Variants in ATXN7 observed in about 807,000 individuals in gnomAD.
ATXN7 encodes the protein ataxin 7.
Under a neutral mutation model 70.5 loss-of-function variants are expected in ATXN7, and 12 were observed. The ratio of observed to expected loss-of-function variants is 0.17; its 90% confidence interval spans 0.11 to 0.28. The LOEUF is 0.28. Ranked by LOEUF, ATXN7 falls within the 10% of genes least tolerant of loss-of-function variation. The pLI, the probability that ATXN7 is intolerant of heterozygous loss-of-function variation, is 1.00. For missense variants in ATXN7, 1,256 were observed against 1,131.7 expected (o/e 1.11, Z -1.58); for synonymous variants, 498 against 448.7 (o/e 1.11, Z -1.39).
At chr3:63,865,473 A>G (rs1452579924) in intron 1 of ATXN7, 1 of 152,190 alleles carries the variant, frequency 6.6e-6, no homozygotes, top group Non-Finnish European at 1.5e-5. Flanking sequence ...TGGTTTTAGG[A>G]GACAGGGCAC....
intron 1 of ATXN7, among the ~76,000 whole-genome samples, chr3:63,891,306 G>A (rs1052872831): frequency 6.6e-6 from 1 of 151,740 alleles, no homozygotes; most frequent in Non-Finnish European, 1.5e-5. Flanking sequence ...ACGAGCGACT[G>A]CACCTGGCCC....
chr3:63,893,601 G>C (rs555660521), intron 1 of ATXN7, among the ~76,000 whole-genome samples: 1 of 152,178 alleles, frequency 6.6e-6, no homozygotes, highest in East Asian at 1.9e-4. Context: ...CACATGAGGC[G>C]TTCTACGAAG....
intron 1 of ATXN7, among the ~76,000 whole-genome samples, chr3:63,871,661 T>G (rs1702593699): frequency 6.6e-6 from 1 of 152,146 alleles, no homozygotes; most frequent in Non-Finnish European, 1.5e-5. Flanking sequence ...TCAATATTTA[T>G]TCATAGAAAA....
chr3:63,869,282 G>C lies in ATXN7; in HGVS notation c.-111+5124G>C, dbSNP rs543529437. 9.8e-5 allele frequency among the ~76,000 whole-genome samples: 15 copies of C among 152,308 alleles called. 1 individual carries two copies. The highest frequency in any genetic ancestry group is 3.6e-4 in the African/African-American group (15 of 41,562). On this transcript the variant is annotated intron_variant, in intron 1 of 12. Transcript: ENST00000674280. ...AGTCTCCTTCTTTGAGTCTAGAGGA[G>C]ATGACCATTAAATGGGATAATAAAT...
chr3:63,965,407 G>A (rs1174958135), intron 5 of ATXN7, among the ~76,000 whole-genome samples: 1 of 152,116 alleles, frequency 6.6e-6, no homozygotes, highest in Non-Finnish European at 1.5e-5. Context: ...GTTCCTCCTA[G>A]CCTCCTGCAA....
intron 4 of ATXN7, among the ~76,000 whole-genome samples, chr3:63,919,674 T>G (rs2107315380): frequency 6.6e-6 from 1 of 151,788 alleles, no homozygotes; most frequent in South Asian, 2.1e-4. Flanking sequence ...TATGTATACA[T>G]GCGCCATGTT....
chr3:63,869,535 G>A (rs1025180763), intron 1 of ATXN7, among the ~76,000 whole-genome samples: 3 of 151,790 alleles, frequency 2.0e-5, no homozygotes, highest in South Asian at 2.1e-4. Context: ...AGCTATTCTC[G>A]TGCCTCAGCC....
At chr3:63,955,135 A>T (rs190465827) in intron 5 of ATXN7, among the ~76,000 whole-genome samples, 2 of 152,300 alleles carry the variant, frequency 1.3e-5, no homozygotes, top group Admixed American at 6.5e-5. Flanking sequence ...AAACATGTAA[A>T]TGGGAAAGTG....
intron 1 of ATXN7, among the ~76,000 whole-genome samples, chr3:63,866,608 C>T (rs1329068034): frequency 1.3e-5 from 2 of 152,158 alleles, no homozygotes; most frequent in Non-Finnish European, 2.9e-5. Context: ...CCTTTATGAA[C>T]TCTAAAATCT....
chr3:63,896,988 C>T (rs943585119), intron 1 of ATXN7, among the ~76,000 whole-genome samples: 1 of 152,206 alleles, frequency 6.6e-6, no homozygotes, highest in South Asian at 2.1e-4. Context: ...TGGTGTTGTT[C>T]TGCCTTCACC....
rs781627328 is a variant in ATXN7, at chr3:63,995,662, A to C, written c.1840A>C (p.Asn614His). Residue 614 changes from asparagine (N) to histidine (H), a missense_variant, in exon 12 of 13, where the codon AAT becomes CAT. Asn to His is a moderately conservative substitution (Grantham distance 68). Coordinates refer to ENST00000674280, the MANE Select transcript of ATXN7 (RefSeq NM_001377405.1). ...VLLSSTCISPNSKSVPAHGTT... is the reference protein window; with the variant it reads ...VLLSSTCISPHSKSVPAHGTT... ...GCTCTCATCTACCTGCATCTCCCCA[A>C]ATAGCAAATCGGTACCAGCTCATGG... The C allele has an allele frequency of 6.2e-7, 1 of 1,614,000 alleles. No individual in the cohort carries two copies. Among genetic ancestry groups the C allele is most frequent in the African/African-American group, 1.3e-5 (1 of 74,886 alleles).
In ATXN7 at chr3:63,912,795, G is replaced by A; in HGVS notation, c.197G>A (p.Gly66Asp). Residue 66 changes from glycine (G) to aspartate (D), a missense_variant, in exon 3 of 13, where the codon GGC (glycine) becomes GAC (aspartate). Physicochemically the swap from Gly to Asp is moderately conservative, Grantham distance 94 (BLOSUM62 -1). Transcript: ENST00000674280. ...ACACGGCCGGAGGACGGCGGGCCCGGCGCCGCCTCCACCTCGGCCGCCGCA... is the reference window on the plus strand; with the variant it reads ...ACACGGCCGGAGGACGGCGGGCCCGACGCCGCCTCCACCTCGGCCGCCGCA... ...RRTRPEDGGP[G>D]AASTSAAAMA... 1 of 1,546,864 alleles carries A rather than the reference G, an allele frequency of 6.5e-7. No individual in the cohort carries two copies. Among genetic ancestry groups the A allele is most frequent in the Non-Finnish European group, 8.7e-7 (1 of 1,150,988 alleles).
intron 5 of ATXN7, among the ~76,000 whole-genome samples, chr3:63,956,917 C>A (rs771721239): frequency 2.6e-5 from 4 of 152,148 alleles, no homozygotes; most frequent in Non-Finnish European, 5.9e-5. Flanking sequence ...AAGTCAGAAG[C>A]CCCATTCTTT....
chr3:63,990,557 T>C (rs1231867261), intron 10 of ATXN7, 181 bp from the exon 11 acceptor site: 1 of 1,227,260 alleles, frequency 8.1e-7, no homozygotes, highest in Non-Finnish European at 1.1e-6. Context: ...TCTCGTGCTT[T>C]TTTCCCTTTC....
At chr3:63,864,549 G>A (rs1396572008) in intron 1 of ATXN7, 1 of 152,298 alleles carries the variant, frequency 6.6e-6, no homozygotes, top group African/African-American at 2.4e-5. Context: ...TGGGCTCGGC[G>A]GGTGCGGGAA....
At chr3:63,921,328 AG>A (rs1464397911) in intron 4 of ATXN7, among the ~76,000 whole-genome samples, 40 of 152,316 alleles carry the variant, frequency 2.6e-4, no homozygotes, top group African/African-American at 8.9e-4. Flanking sequence ...ACAGAAAAAA[AG>A]GTAATGCTTT....
chr3:63,935,486 T>C (rs916033268), intron 4 of ATXN7, among the ~76,000 whole-genome samples: 2 of 152,198 alleles, frequency 1.3e-5, no homozygotes, highest in African/African-American at 4.8e-5. Context: ...GATGGCAGCT[T>C]TGACATTAAG....
At chr3:63,937,855 AT>A (rs1337618393) in intron 4 of ATXN7, among the ~76,000 whole-genome samples, 1 of 152,124 alleles carries the variant, frequency 6.6e-6, no homozygotes, top group African/African-American at 2.4e-5. Context: ...CTGTTTCCTC[AT>A]TTGTAAACTG....
chr3:63,875,792 CCAGA>C (rs1331258958), intron 1 of ATXN7, among the ~76,000 whole-genome samples: 1 of 152,088 alleles, frequency 6.6e-6, no homozygotes, highest in Non-Finnish European at 1.5e-5. Context: ...ATTAAGGTCT[CCAGA>C]CAGTTTTCTG....
Sources: allele counts gnomAD v4.1 joint callset (sites outside exome capture counted in the v4.1 genomes callset), GRCh38; gene constraint gnomAD v4.1.1; transcripts MANE v1.5; gene names NCBI Gene and HGNC (gene_info 2026-07-23, HGNC 2026-07-21).